GJC1: variants seen among roughly 807,000 people sequenced by gnomAD.
The protein encoded by GJC1 is gap junction protein gamma 1, also known as gap junction gamma-1 protein.
GJC1 carries 5 observed loss-of-function variants against 29.3 expected under a neutral mutation model. That is an observed-to-expected ratio of 0.17 (90% confidence interval 0.09 to 0.36). The LOEUF is 0.36. Ranked by LOEUF, GJC1 falls within the 10% of genes least tolerant of loss-of-function variation. The pLI is 1.00. For missense variants in GJC1, 310 were observed against 496.2 expected, an observed-to-expected ratio of 0.62 and a Z score of 3.56; for synonymous variants, 177 against 183.3, an observed-to-expected ratio of 0.97 and a Z score of 0.28.
chr17:44,824,680 T>C (rs1387514187), intron 1 of GJC1, among the ~76,000 whole-genome samples: 2 of 151,724 alleles, frequency 1.3e-5, no homozygotes, highest in African/African-American at 2.4e-5. Context: ...CGTGGCAGCA[T>C]GCGCCAGTAG....
downstream of GJC1, chr17:44,794,582 G>A (rs1010172839): frequency 3.9e-5 from 6 of 152,192 alleles, no homozygotes; most frequent in African/African-American, 1.4e-4. Context: ...GCTTTTCAGT[G>A]TTCCCAGCAC....
chr17:44,826,083 G>C (rs1256399468), intron 1 of GJC1, among the ~76,000 whole-genome samples: 1 of 151,966 alleles, frequency 6.6e-6, no homozygotes, highest in East Asian at 1.9e-4. Context: ...ACCACGCCCA[G>C]GTAATTTTTT....
chr17:44,824,128 C>A (rs1269592845), intron 1 of GJC1, among the ~76,000 whole-genome samples: 4 of 152,048 alleles, frequency 2.6e-5, no homozygotes, highest in African/African-American at 9.7e-5. Context: ...CTGCCTCAGC[C>A]TCCAGAGTAG....
At chr17:44,812,230 C>T (rs992728409) in intron 1 of GJC1, among the ~76,000 whole-genome samples, 12 of 151,994 alleles carry the variant, frequency 7.9e-5, no homozygotes, top group African/African-American at 2.9e-4. Flanking sequence ...GAGGCTGAGG[C>T]AGGAGAATGG....
intron 1 of GJC1, among the ~76,000 whole-genome samples, chr17:44,825,766 C>G (rs1398682398): frequency 1.4e-5 from 2 of 143,416 alleles, no homozygotes; most frequent in African/African-American, 5.2e-5. Context: ...AAGAGTGAGA[C>G]TCAGTCTCAA....
chr17:44,802,185 C>G lies in GJC1; in HGVS notation c.*2442G>C, dbSNP rs2049856897. The G allele has an allele frequency of 6.6e-6, 1 of 152,170 alleles. No homozygotes were observed. Among genetic ancestry groups the G allele is most frequent in the Non-Finnish European group, 1.5e-5 (1 of 68,022 alleles). The allele number at this position is 152,170 out of a possible 1,614,324, so 9.4% of individuals were successfully genotyped here. The stretch of plus-strand genomic sequence containing the variant: ...ACAGGCCAAGATGAAACACCAGGGG[C>G]ACTCTTCACAGAAATTAAGTGGATG... On this transcript the variant is annotated 3_prime_UTR_variant, in exon 3 of 3. Coordinates refer to ENST00000592524, the MANE Select transcript of GJC1 (RefSeq NM_005497.4).
At chr17:44,814,816 G>A (rs1210723066) in intron 1 of GJC1, among the ~76,000 whole-genome samples, 2 of 152,050 alleles carry the variant, frequency 1.3e-5, no homozygotes, top group Admixed American at 6.6e-5. Context: ...GGTGGCATGC[G>A]CCTGTAATCC....
intron 1 of GJC1, among the ~76,000 whole-genome samples, chr17:44,822,196 CAAAAAAAAAAAAAA>C (rs59152296): frequency 0.011 from 528 of 47,594 alleles, 11 homozygotes; most frequent in African/African-American, 0.036. Flanking sequence ...GACTCCGTCT[CAAAAAAAAAAAAAA>C]AAAAAAAAAA....
At chr17:44,817,840 A>AGTGGTCAGCT (rs2050060889) in intron 1 of GJC1, among the ~76,000 whole-genome samples, 1 of 152,140 alleles carries the variant, frequency 6.6e-6, no homozygotes, top group African/African-American at 2.4e-5. Context: ...ACTCGCTAGT[A>AGTGGTCAGCT]AAGAATTACA....
rs1028493411 is a variant in GJC1 at position 44,803,501 on chromosome 17, C to T, written c.*1126G>A. On this transcript the variant is annotated 3_prime_UTR_variant, in exon 3 of 3. Transcript: ENST00000592524. ...CCTTTCAGGCATAAACCTCCACTGG[C>T]AGAAGTAAGAATTTAATCACAAAAC... The T allele has an allele frequency of 2.0e-5, 3 of 152,152 alleles. No individual in the cohort carries two copies. The highest frequency in any genetic ancestry group is 2.9e-5 in the Non-Finnish European group (2 of 68,022). 9.4% of individuals were successfully genotyped at this position (152,152 alleles called of 1,614,324 possible). A position where few individuals can be genotyped will look rare whatever the true frequency, so the allele number is the denominator to read the frequency against.
In GJC1 at chr17:44,828,178, G is replaced by A. The variant is rs143603229; in HGVS notation, c.-97+1884C>T. Among the ~76,000 whole-genome samples the A allele has an allele frequency of 2.4e-3, 370 of 152,248 alleles. 1 individual carries two copies. The highest frequency in any genetic ancestry group is 8.2e-3 in the African/African-American group (341 of 41,528). On this transcript the variant is annotated intron_variant, in intron 1 of 2. Coordinates refer to ENST00000592524, the MANE Select transcript of GJC1 (RefSeq NM_005497.4). Reference sequence around the variant, plus strand: ...TAAGAATAAAATTTAATTGACAAAGGATAACAGCATTTATAAGTAAGATTG... The same window carrying A: ...TAAGAATAAAATTTAATTGACAAAGAATAACAGCATTTATAAGTAAGATTG...
chr17:44,821,446 C>T (rs993233860), intron 1 of GJC1, among the ~76,000 whole-genome samples: 2 of 151,928 alleles, frequency 1.3e-5, no homozygotes, highest in African/African-American at 4.8e-5. Context: ...GCCTGTAATC[C>T]CAGCACTTTG....
Position 44,809,449 on chromosome 17 carries a change from A to G in GJC1, c.-96-1980T>C, listed in dbSNP as rs1233105160. ...TGATTCTCATCCACAAATTCTCTGC[A>G]GGCTCAGATTTTCCCCAAAGCCTGA... On this transcript the variant is annotated intron_variant, in intron 1 of 2. Coordinates refer to ENST00000592524, the MANE Select transcript of GJC1 (RefSeq NM_005497.4). Among the ~76,000 whole-genome samples the G allele has an allele frequency of 2.0e-5, 3 of 152,344 alleles. No individual in the cohort carries two copies. In the East Asian group the frequency reaches 5.8e-4, roughly 29 times the overall value.
At chr17:44,828,389 A>G (rs1188079134) in intron 1 of GJC1, among the ~76,000 whole-genome samples, 3 of 152,230 alleles carry the variant, frequency 2.0e-5, no homozygotes, top group Non-Finnish European at 2.9e-5. Flanking sequence ...CTCAAAAGTT[A>G]AAAGTGCTGG....
rs753057256 is a variant in GJC1 at position 44,805,429 on chromosome 17, G to A, written c.389C>T (p.Thr130Met). 31 of 1,613,944 alleles carry A rather than the reference G, an allele frequency of 1.9e-5. No homozygotes were observed. The highest frequency in any genetic ancestry group is 5.5e-5 in the South Asian group (5 of 91,068). The change falls in exon 3 of 3, where the codon ACG becomes ATG. Residue 130 changes from threonine to methionine, a missense_variant. Thr to Met is a moderately conservative substitution (Grantham distance 81). Transcript: ENST00000592524. This position sits in a 1 kb window ranked among gnomAD's most constrained non-coding sequence, Gnocchi z 5.1. The stretch of plus-strand genomic sequence containing the variant: ...AGGATCCTCTTCGTTGTCCTCCTCC[G>A]TTTCTTCCAGAGCCCGGTGTTGTTT... ...RWKQHRALEETEEDNEEDPMM... is the reference protein window; with the variant it reads ...RWKQHRALEEMEEDNEEDPMM...
intron 1 of GJC1, 108 bp from the exon 2 acceptor site, chr17:44,807,577 AAAT>A (rs1394656499): frequency 6.6e-6 from 1 of 152,240 alleles, no homozygotes; most frequent in Non-Finnish European, 1.5e-5. Flanking sequence ...TGTATCATAA[AAAT>A]CAATGAGAAT....
chr17:44,797,075 T>C (rs1342154239), downstream of GJC1, among the ~76,000 whole-genome samples: 3 of 152,104 alleles, frequency 2.0e-5, no homozygotes, highest in Non-Finnish European at 4.4e-5. Context: ...GGAATCTATA[T>C]ATCGCTATCT....
At chr17:44,826,980 C>T (rs2050182981) in intron 1 of GJC1, among the ~76,000 whole-genome samples, 1 of 152,262 alleles carries the variant, frequency 6.6e-6, no homozygotes, top group South Asian at 2.1e-4. Flanking sequence ...CAAAATCTAT[C>T]TTCTCATACC....
At chr17:44,827,368 T>C (rs1433551781) in intron 1 of GJC1, among the ~76,000 whole-genome samples, 2 of 152,082 alleles carry the variant, frequency 1.3e-5, no homozygotes, top group East Asian at 1.9e-4. Flanking sequence ...AAATTCCTGC[T>C]TTTTCTTTGC....
Sources: gnomAD v4.1 joint callset for allele counts (sites outside exome capture counted in the v4.1 genomes callset) on GRCh38, gnomAD v4.1.1 for gene constraint, Gnocchi (gnomAD v3.1) non-coding constraint, MANE v1.5 for transcripts, NCBI Gene and HGNC (gene_info 2026-07-23, HGNC 2026-07-21) for gene names.